RNF187: variants seen among roughly 807,000 people sequenced by gnomAD.
The protein encoded by RNF187 is E3 ubiquitin-protein ligase RNF187.
Under a neutral mutation model 22.2 loss-of-function variants are expected in RNF187, and 18 were observed. That is an observed-to-expected ratio of 0.81 (90% confidence interval 0.56 to 1.20). The LOEUF (loss-of-function observed/expected upper bound fraction) is 1.20. Among genes scored for constraint, RNF187 ranks in the 50% most tolerant of loss-of-function variants. RNF187 has a pLI of 0.00. For synonymous variants in RNF187, 164 were observed against 140.9 expected (o/e 1.16, Z -1.16); for missense variants, 329 against 317.6 (o/e 1.04, Z -0.27).
chr1:228,492,316 C>T, intron 2 of RNF187, among the ~76,000 whole-genome samples: 2 of 151,886 alleles, frequency 1.3e-5, no homozygotes, highest in African/African-American at 4.8e-5. Context: ...TCCCAAAGTA[C>T]TGTGATTACA....
intron 1 of RNF187, 97 bp from the exon 2 acceptor site, chr1:228,488,863 C>T: frequency 2.1e-6 from 2 of 954,778 alleles, no homozygotes; most frequent in South Asian, 2.9e-5. Context: ...GATGGTCAGA[C>T]TGTGTGCAGT....
Position 228,494,647 on chromosome 1 carries a change from T to TA in RNF187, c.*763dup. 1 of 985,496 alleles carries TA rather than the reference T, an allele frequency of 1.0e-6. No homozygotes were observed. Among genetic ancestry groups the TA allele is most frequent in the South Asian group, 4.7e-5 (1 of 21,280 alleles). 61.0% of individuals were successfully genotyped at this position (985,496 alleles called of 1,614,324 possible). ...CTGCCATCGTGTCTCATCTTGCTGT[T>TA]ATCTCTAGCTCTTTCCCTCCTCCCA... On this transcript the variant is annotated 3_prime_UTR_variant, in exon 4 of 4. Transcript: ENST00000305943.
intron 2 of RNF187, 31 bp downstream of exon 2, chr1:228,489,083 T>G: frequency 6.6e-7 from 1 of 1,516,940 alleles, no homozygotes; most frequent in African/African-American, 1.4e-5. Context: ...CAGCCTGGAA[T>G]GAGGGGACTG....
chr1:228,495,617 CAG>C lies in RNF187; in HGVS notation c.*1735_*1736del. On this transcript the variant is annotated 3_prime_UTR_variant, in exon 4 of 4. Coordinates refer to ENST00000305943, the MANE Select transcript of RNF187 (RefSeq NM_001010858.3). ...TGCTTGCCCGGACAGGTCCTGATGG[CAG>C]AGTCTCCCACAACATCAGTGTCTCC... 1.7e-4 allele frequency: 165 copies of C among 985,600 alleles called. No homozygotes were observed. The highest frequency in any genetic ancestry group is 8.6e-4 in the Admixed American group (14 of 16,288). 61.1% of individuals were successfully genotyped at this position (985,600 alleles called of 1,614,324 possible).
At position 228,493,827 on chromosome 1, in the gene RNF187, C is replaced by G; in HGVS notation, c.706-56C>G. ...TCTCCTTTTGCCTCTGTCTCTGACT[C>G]TGTGTGTCTCTTTCTCTTTTTGTCT... is the stretch of plus-strand genomic sequence containing the variant. On this transcript the variant is annotated intron_variant, in intron 3 of 3. Transcript: ENST00000305943. This position sits in a 1 kb window ranked among gnomAD's most constrained non-coding sequence, Gnocchi z 4.7. 5.9e-6 allele frequency: 9 copies of G among 1,532,670 alleles called. No homozygotes were observed. The highest frequency in any genetic ancestry group is 8.0e-6 in the Non-Finnish European group (9 of 1,129,610). 94.9% of individuals were successfully genotyped at this position (1,532,670 alleles called of 1,614,324 possible).
Position 228,487,670 on chromosome 1 carries a change from T to C in RNF187, c.182T>C (p.Val61Ala), listed in dbSNP as rs1658869460. Residue 61 changes from valine (V) to alanine (A), a missense_variant, in exon 1 of 4, where the codon GTG (valine) becomes GCG (alanine). Transcript: ENST00000305943. ...GCCGACGACTGCTGGCAGCGCGCCGTGGAGCCCGGCAGGCCCCCGCTCAGC... is the reference window on the plus strand; with the variant it reads ...GCCGACGACTGCTGGCAGCGCGCCGCGGAGCCCGGCAGGCCCCCGCTCAGC... The C allele has an allele frequency of 8.9e-7, 1 of 1,122,954 alleles. No individual in the cohort carries two copies. The allele number at this position is 1,122,954 out of a possible 1,614,324, so 69.6% of individuals were successfully genotyped here.
chr1:228,495,448 G>A lies in RNF187; in HGVS notation c.*1563G>A. ...AGGAGAAGATTCCAGAGCCTGGCCAGAGTTTGGCCAAGTAGAGAATCTTTG... is the reference window on the plus strand; with the variant it reads ...AGGAGAAGATTCCAGAGCCTGGCCAAAGTTTGGCCAAGTAGAGAATCTTTG... On this transcript the variant is annotated 3_prime_UTR_variant, in exon 4 of 4. Coordinates refer to ENST00000305943, the MANE Select transcript of RNF187 (RefSeq NM_001010858.3). 7.7e-5 allele frequency: 76 copies of A among 982,082 alleles called. No homozygotes were observed. Among genetic ancestry groups the A allele is most frequent in the Admixed American group, 3.1e-4 (5 of 16,280 alleles). 60.8% of individuals were successfully genotyped at this position (982,082 alleles called of 1,614,324 possible). A position where few individuals can be genotyped will look rare whatever the true frequency, so the allele number is the denominator to read the frequency against.
At position 228,488,841 on chromosome 1, in the gene RNF187, G is replaced by A; in HGVS notation, c.391-119G>A. The A allele has an allele frequency of 3.8e-6, 3 of 781,770 alleles. No homozygotes were observed. The Admixed American group carries it at 7.4e-5, about 19-fold the overall frequency. 48.4% of individuals were successfully genotyped at this position (781,770 alleles called of 1,614,324 possible). ...CCTGCCCTAGACAACCGGGCTTCGA[G>A]GTTATCTCTGGGATGGTCAGACTGT... is the stretch of plus-strand genomic sequence containing the variant. On this transcript the variant is annotated intron_variant, in intron 1 of 3. Coordinates refer to ENST00000305943, the MANE Select transcript of RNF187 (RefSeq NM_001010858.3).
Position 228,493,188 on chromosome 1 carries a change from C to T in RNF187, c.619C>T (p.Pro207Ser), listed in dbSNP as rs1466981310. The change falls in exon 3 of 4, where the codon CCC becomes TCC. Residue 207 changes from proline to serine, a missense_variant. Physicochemically the swap from Pro to Ser is moderately conservative, Grantham distance 74 (BLOSUM62 -1). Transcript: ENST00000305943. This position sits in a 1 kb window ranked among gnomAD's most constrained non-coding sequence, Gnocchi z 4.7. ...GCTCCCTGAGGACGAGCTGGCTGACCCCACTGAGCGGTTCAGGTCACTGCT... is the reference window on the plus strand; with the variant it reads ...GCTCCCTGAGGACGAGCTGGCTGACTCCACTGAGCGGTTCAGGTCACTGCT... The T allele has an allele frequency of 6.4e-7, 1 of 1,551,552 alleles. No homozygotes were observed. The highest frequency in any genetic ancestry group is 1.4e-5 in the African/African-American group (1 of 73,042).
chr1:228,487,395 T>A lies in RNF187; in HGVS notation c.-94T>A. 3 of 1,038,934 alleles carry A rather than the reference T, an allele frequency of 2.9e-6. No homozygotes were observed. The highest frequency in any genetic ancestry group is 3.5e-6 in the Non-Finnish European group (3 of 866,794). 64.4% of individuals were successfully genotyped at this position (1,038,934 alleles called of 1,614,324 possible). A position where few individuals can be genotyped will look rare whatever the true frequency, so the allele number is the denominator to read the frequency against. ...CGCGTCCCCGGCGTTGGCGTCTTCG[T>A]CCTGTTGCTGGTCTCCGTCCGGTCG... On this transcript the variant is annotated 5_prime_UTR_variant, in exon 1 of 4. Transcript: ENST00000305943.
chr1:228,493,343 G>C lies in RNF187; in HGVS notation c.705+69G>C. On this transcript the variant is annotated intron_variant, in intron 3 of 3. Transcript: ENST00000305943. The surrounding 1 kb of genome is among the most constrained non-coding windows in gnomAD (Gnocchi z 4.7). Reference sequence around the variant, plus strand: ...GACGCAGGCAGCAGCGAGCCATTGGGGGACCATTGCCCGAAGTCAAGGCTT... The same window carrying C: ...GACGCAGGCAGCAGCGAGCCATTGGCGGACCATTGCCCGAAGTCAAGGCTT... 1.3e-6 allele frequency: 2 copies of C among 1,499,532 alleles called. No individual in the cohort carries two copies. Among genetic ancestry groups the C allele is most frequent in the South Asian group, 2.5e-5 (2 of 78,640 alleles). The allele number at this position is 1,499,532 out of a possible 1,614,324, so 92.9% of individuals were successfully genotyped here. A position where few individuals can be genotyped will look rare whatever the true frequency, so the allele number is the denominator to read the frequency against.
Position 228,496,052 on chromosome 1 carries a change from C to T in RNF187, c.*2167C>T. On this transcript the variant is annotated 3_prime_UTR_variant, in exon 4 of 4. Transcript: ENST00000305943. The stretch of plus-strand genomic sequence containing the variant: ...TATCAGCTGAAGTCACCATGCTGTG[C>T]AATAGACCTTGAGTTTATTCTTGTA... 6.6e-6 allele frequency among the ~76,000 whole-genome samples: 1 copy of T among 152,198 alleles called. No homozygotes were observed. The highest frequency in any genetic ancestry group is 2.4e-5 in the African/African-American group (1 of 41,452).
At position 228,494,060 on chromosome 1, in the gene RNF187, T is replaced by C; in HGVS notation, c.*175T>C. 22 of 1,507,066 alleles carry C rather than the reference T, an allele frequency of 1.5e-5. No homozygotes were observed. In the South Asian group the frequency reaches 2.2e-4, roughly 15 times the overall value. 93.4% of individuals were successfully genotyped at this position (1,507,066 alleles called of 1,614,324 possible). A position where few individuals can be genotyped will look rare whatever the true frequency, so the allele number is the denominator to read the frequency against. On this transcript the variant is annotated 3_prime_UTR_variant, in exon 4 of 4. Transcript: ENST00000305943. The stretch of plus-strand genomic sequence containing the variant: ...TTATCCTTCACCCCGAGGCGTGTTT[T>C]GGGGGCTGCAAACACCTCCCGGTAG...
In RNF187 at chr1:228,493,667, G is replaced by A; in HGVS notation, c.706-216G>A. Among the ~76,000 whole-genome samples, 3 of 152,178 alleles carry A rather than the reference G, an allele frequency of 2.0e-5. No homozygotes were observed. Among genetic ancestry groups the A allele is most frequent in the African/African-American group, 2.4e-5 (1 of 41,460 alleles). On this transcript the variant is annotated intron_variant, in intron 3 of 3. Coordinates refer to ENST00000305943, the MANE Select transcript of RNF187 (RefSeq NM_001010858.3). The surrounding 1 kb of genome is among the most constrained non-coding windows in gnomAD (Gnocchi z 4.7). ...TGCAGCAACCCAGATGGCCCTGAAC[G>A]GTTCAGTTGCCCGTGCCAGCCATAG... is the stretch of plus-strand genomic sequence containing the variant.
chr1:228,487,984 TGTCCCCGGATTGTCCCC>T lies in RNF187; in HGVS notation c.390+124_390+140del. 4.2e-4 allele frequency: 286 copies of T among 688,024 alleles called. 1 individual carries two copies. Among genetic ancestry groups the T allele is most frequent in the East Asian group, 3.2e-3 (37 of 11,428 alleles). The allele number at this position is 688,024 out of a possible 1,614,324, so 42.6% of individuals were successfully genotyped here. On this transcript the variant is annotated intron_variant, in intron 1 of 3. Transcript: ENST00000305943. Reference sequence around the variant, plus strand: ...GGGCCCTTCCCGTCTCCACTGTTCCTGTCCCCGGATTGTCCCCGTCCCCGGATTGTCCCCCTCCCCTC... The same window carrying T: ...GGGCCCTTCCCGTCTCCACTGTTCCTGTCCCCGGATTGTCCCCCTCCCCTC...
Position 228,491,387 on chromosome 1 carries a change from CA to C in RNF187, c.484-1644del. On this transcript the variant is annotated intron_variant, in intron 2 of 3. Transcript: ENST00000305943. The stretch of plus-strand genomic sequence containing the variant: ...TGGGTGACAGAGTGAGGCCCTATCT[CA>C]AAAAAAAAAAAAAAAAAAAAATAAA... Among the ~76,000 whole-genome samples, 312 of 75,542 alleles carry C rather than the reference CA, an allele frequency of 4.1e-3. 1 individual carries two copies. Among genetic ancestry groups the C allele is most frequent in the African/African-American group, 0.014 (262 of 18,672 alleles). 49.6% of individuals were successfully genotyped at this position (75,542 alleles called of 152,430 possible).
chr1:228,489,877 G>A, intron 2 of RNF187, among the ~76,000 whole-genome samples: 1 of 152,224 alleles, frequency 6.6e-6, no homozygotes, highest in African/African-American at 2.4e-5. Flanking sequence ...GAGGGATGAG[G>A]ATTTCAGCAT....
Position 228,493,257 on chromosome 1 carries a change from C to A in RNF187, c.688C>A (p.Leu230Ile), listed in dbSNP as rs749654175. The A allele has an allele frequency of 6.5e-7, 1 of 1,550,296 alleles. No individual in the cohort carries two copies. Among genetic ancestry groups the A allele is most frequent in the African/African-American group, 1.4e-5 (1 of 73,030 alleles). ...GGAGAAGAAGCATCGCAACCTGGGCCTCAGCATGCTGCTGCAGGTGCGGGA... is the reference window on the plus strand; with the variant it reads ...GGAGAAGAAGCATCGCAACCTGGGCATCAGCATGCTGCTGCAGGTGCGGGA... The change falls in exon 3 of 4, where the codon CTC becomes ATC. Residue 230 changes from leucine to isoleucine, a missense_variant. Transcript: ENST00000305943. This position sits in a 1 kb window ranked among gnomAD's most constrained non-coding sequence, Gnocchi z 4.7.
intron 1 of RNF187, 86 bp from the exon 2 acceptor site, chr1:228,488,874 C>A: frequency 1.9e-6 from 2 of 1,061,094 alleles, no homozygotes; most frequent in African/African-American, 1.6e-5. Flanking sequence ...TGTGTGCAGT[C>A]AGCTGGGGTG....
Sources: gnomAD v4.1 joint callset for allele counts (sites outside exome capture counted in the v4.1 genomes callset) on GRCh38, gnomAD v4.1.1 for gene constraint, Gnocchi (gnomAD v3.1) non-coding constraint, MANE v1.5 for transcripts, NCBI Gene and HGNC (gene_info 2026-07-23, HGNC 2026-07-21) for gene names.